HYDIN: variants seen among roughly 807,000 people sequenced by gnomAD.
The protein encoded by HYDIN is HYDIN axonemal central pair apparatus protein, also known as axonemal central pair apparatus protein HYDIN.
Under a neutral mutation model 403.9 loss-of-function variants are expected in HYDIN, and 132 were observed. The ratio of observed to expected loss-of-function variants is 0.33; its 90% CI spans 0.28 to 0.38. The LOEUF (loss-of-function observed/expected upper bound fraction) is 0.38. HYDIN is among the 10% of genes least tolerant of loss of function. The pLI is 1.00. For missense variants in HYDIN, 2,827 were observed against 5,009.5 expected (o/e 0.56, Z 13.15); for synonymous variants, 1,202 against 1,891.7 (o/e 0.64, Z 9.46).
At chr16:70,925,402 T>C (rs1227649595) in intron 45 of HYDIN, among the ~76,000 whole-genome samples, 40 of 152,122 alleles carry the variant, frequency 2.6e-4, no homozygotes, top group African/African-American at 9.7e-4. Context: ...CCCCATTGCT[T>C]GTTTTTCTCA....
intron 1 of HYDIN, among the ~76,000 whole-genome samples, chr16:71,227,401 A>G (rs1035676827): frequency 2.6e-4 from 39 of 152,210 alleles, no homozygotes; most frequent in Non-Finnish European, 1.0e-4. Flanking sequence ...ACATGATTGT[A>G]TATCTAGGAA....
At chr16:71,151,133 A>G (rs1281973157) in intron 7 of HYDIN, among the ~76,000 whole-genome samples, 2 of 152,192 alleles carry the variant, frequency 1.3e-5, no homozygotes, top group Admixed American at 6.5e-5. Context: ...CTGATGCCCC[A>G]ATGTGTTATG....
chr16:70,846,288 T>C (rs2038199379), intron 75 of HYDIN, among the ~76,000 whole-genome samples: 1 of 149,640 alleles, frequency 6.7e-6, no homozygotes, highest in Non-Finnish European at 1.5e-5. Context: ...TCTGCCTTCA[T>C]TTCGTTATGT....
Position 70,818,462 on chromosome 16 carries a change from T to G in HYDIN, c.14538A>C (p.Gln4846His). Reference protein sequence around the residue: ...KTIEMVTPVRQVASASIKLEN... With the variant: ...KTIEMVTPVRHVASASIKLEN... The stretch of plus-strand genomic sequence containing the variant: ...CCAACTTGATGGAGGCTGACGCAAC[T>G]TGCCGGACTGGGGTCACCATCTCGA... Residue 4846 changes from glutamine (Q) to histidine (H), a missense_variant, in exon 84 of 86, where the codon CAA becomes CAC. Transcript: ENST00000393567. 6.4e-7 allele frequency: 1 copy of G among 1,573,298 alleles called. No individual in the cohort carries two copies. Among genetic ancestry groups the G allele is most frequent in the East Asian group, 2.3e-5 (1 of 43,808 alleles).
At chr16:71,159,858 T>G (rs1276841945) in intron 6 of HYDIN, among the ~76,000 whole-genome samples, 1 of 151,582 alleles carries the variant, frequency 6.6e-6, no homozygotes, top group Admixed American at 6.6e-5. Context: ...AATAAACACT[T>G]TTTTCCAGAT....
intron 5 of HYDIN, among the ~76,000 whole-genome samples, chr16:71,174,347 T>C (rs1305463794): frequency 6.6e-6 from 1 of 152,152 alleles, no homozygotes. Flanking sequence ...GTAATGATAT[T>C]GACAGCAGCC....
At position 71,227,142 on chromosome 16, in the gene HYDIN, T is replaced by A. The variant is rs116359200; in HGVS notation, c.-24+3420A>T. ...TGTCATATATATATGTATATATATA[T>A]GTGTATGTGTGTGTGTGTGTGTATA... On this transcript the variant is annotated intron_variant, in intron 1 of 85. Coordinates refer to ENST00000393567, the MANE Select transcript of HYDIN (RefSeq NM_001270974.2). Among the ~76,000 whole-genome samples the A allele has an allele frequency of 8.6e-3, 1,296 of 150,104 alleles. 17 individuals carry two copies. The highest frequency in any genetic ancestry group is 0.031 in the African/African-American group (1,232 of 39,492).
chr16:71,178,434 A>AAAAT (rs1555501894), intron 4 of HYDIN, among the ~76,000 whole-genome samples: 31 of 94,532 alleles, frequency 3.3e-4, no homozygotes, highest in African/African-American at 1.1e-3. Context: ...AAAAAAAAAA[A>AAAAT]ATATATATAT....
At position 71,030,537 on chromosome 16, in the gene HYDIN, A is replaced by G. The variant is rs1439242818; in HGVS notation, c.2768+1142T>C. Among the ~76,000 whole-genome samples, 4 of 150,368 alleles carry G rather than the reference A, an allele frequency of 2.7e-5. No individual in the cohort carries two copies. In the East Asian group the frequency reaches 7.9e-4, roughly 30 times the overall value. ...AACCTCTGCCTCTTGGGCTCAAGTG[A>G]TTCTCCCACCTCAGCCTCCTGAGTA... On this transcript the variant is annotated intron_variant, in intron 19 of 85. Coordinates refer to ENST00000393567, the MANE Select transcript of HYDIN (RefSeq NM_001270974.2).
chr16:70,920,802 C>A lies in HYDIN; in HGVS notation c.7574G>T (p.Arg2525Leu), dbSNP rs756437118. ...CCGCTCCGCCTTCTCCCTCTCCAGG[C>A]GCTCCTTCTCCGTGCGCTCCTTCTC... is the stretch of plus-strand genomic sequence containing the variant. ...RLEKERTEKERLEREKAERER... is the reference protein window; with the variant it reads ...RLEKERTEKELLEREKAERER... The change falls in exon 46 of 86, where the codon CGC (arginine) becomes CTC (leucine). Residue 2525 changes from arginine (R) to leucine (L), a missense_variant. Transcript: ENST00000393567. The A allele has an allele frequency of 6.4e-7, 1 of 1,561,790 alleles. No homozygotes were observed. The highest frequency in any genetic ancestry group is 8.7e-7 in the Non-Finnish European group (1 of 1,152,226).
intron 20 of HYDIN, among the ~76,000 whole-genome samples, chr16:71,026,559 A>G (rs2144140982): frequency 1.3e-5 from 2 of 152,148 alleles, no homozygotes; most frequent in Middle Eastern, 3.4e-3. Flanking sequence ...CCTGTGTTCT[A>G]TTCATCTTTA....
intron 18 of HYDIN, among the ~76,000 whole-genome samples, chr16:71,056,226 AT>A (rs1182608806): frequency 1.4e-5 from 2 of 148,066 alleles, no homozygotes; most frequent in East Asian, 4.0e-4. Context: ...GGAGGCTGAT[AT>A]TCCAGGTGCA....
At chr16:71,061,861 A>AGTGTGTGTGTGTGTGTGTGTGTGTGTGT (rs66689823) in intron 17 of HYDIN, among the ~76,000 whole-genome samples, 5 of 144,022 alleles carry the variant, frequency 3.5e-5, no homozygotes, top group African/African-American at 1.3e-4. Context: ...CATGTGTGAC[A>AGTGTGTGTGTGTGTGTGTGTGTGTGTGT]GTGTGTGTGT....
At position 70,806,762 on chromosome 16, in the gene HYDIN, T is replaced by C. The variant is rs2035125243; in HGVS notation, c.*818A>G. 6.6e-6 allele frequency among the ~76,000 whole-genome samples: 1 copy of C among 152,144 alleles called. No homozygotes were observed. The highest frequency in any genetic ancestry group is 6.5e-5 in the Admixed American group (1 of 15,272). On this transcript the variant is annotated 3_prime_UTR_variant, in exon 86 of 86. Transcript: ENST00000393567. ...CCATGCCAGGGCCAGACTTTAACCA[T>C]CTGCTATACAAGTTAAATGTATATA... is the stretch of plus-strand genomic sequence containing the variant.
intron 9 of HYDIN, among the ~76,000 whole-genome samples, 182 bp downstream of exon 9, chr16:71,129,458 T>A (rs2084615419): frequency 6.6e-6 from 1 of 152,192 alleles, no homozygotes; most frequent in South Asian, 2.1e-4. Context: ...TATATATGTG[T>A]CCCATGACAT....
intron 1 of HYDIN, among the ~76,000 whole-genome samples, chr16:71,227,081 T>C (rs1567477896): frequency 6.6e-6 from 1 of 152,022 alleles, no homozygotes; most frequent in Non-Finnish European, 1.5e-5. Flanking sequence ...TGTCACATAC[T>C]GGGAGAAATT....
At chr16:71,044,709 T>C (rs2144209686) in intron 18 of HYDIN, among the ~76,000 whole-genome samples, 1 of 137,516 alleles carries the variant, frequency 7.3e-6, no homozygotes, top group East Asian at 2.1e-4. Context: ...TTCTTTTTTA[T>C]AGTCTCCAGA....
chr16:71,006,969 C>T (rs1312580647), intron 23 of HYDIN, among the ~76,000 whole-genome samples: 1 of 151,316 alleles, frequency 6.6e-6, no homozygotes, highest in African/African-American at 2.4e-5. Context: ...TATCCTCACC[C>T]CACCCCTTTC....
chr16:71,148,533 T>G (rs1323308002), intron 7 of HYDIN, among the ~76,000 whole-genome samples: 1 of 152,106 alleles, frequency 6.6e-6, no homozygotes, highest in Non-Finnish European at 1.5e-5. Flanking sequence ...AGATAAAAGC[T>G]CAATATACAA....
Sources: allele counts gnomAD v4.1 joint callset (sites outside exome capture counted in the v4.1 genomes callset), GRCh38; gene constraint gnomAD v4.1.1; transcripts MANE v1.5; gene names NCBI Gene and HGNC (gene_info 2026-07-23, HGNC 2026-07-21).